RHBDF1: variants seen among roughly 807,000 people sequenced by gnomAD.
RHBDF1 encodes the protein inactive rhomboid protein 1.
RHBDF1 carries 80 observed loss-of-function variants against 98.6 expected under a neutral mutation model. The observed-to-expected ratio is 0.81, with a 90% CI of 0.68 to 0.98. The LOEUF is 0.98. RHBDF1 is among the 50% of genes least tolerant of loss of function. The pLI, the probability that RHBDF1 is intolerant of heterozygous loss-of-function variation, is 0.00. For missense variants in RHBDF1, 1,116 were observed against 1,198.3 expected, an observed-to-expected ratio of 0.93 and a Z score of 1.01; for synonymous variants, 512 against 486.8, an observed-to-expected ratio of 1.05 and a Z score of -0.68.
In RHBDF1 at chr16:58,305, G is replaced by C; in HGVS notation, c.*35C>G. The C allele has an allele frequency of 6.3e-7, 1 of 1,587,378 alleles. No homozygotes were observed. Among genetic ancestry groups the C allele is most frequent in the Non-Finnish European group, 8.6e-7 (1 of 1,165,808 alleles). ...GGGAGGTCGTGTCTGGCTCTGGCCTGCTGGAGCACACGGCCGCTGGAGCCC... is the reference window on the plus strand; with the variant it reads ...GGGAGGTCGTGTCTGGCTCTGGCCTCCTGGAGCACACGGCCGCTGGAGCCC... On this transcript the variant is annotated 3_prime_UTR_variant, in exon 18 of 18. Transcript: ENST00000262316.
At chr16:69,421 A>G (rs1897914760) in intron 1 of RHBDF1, among the ~76,000 whole-genome samples, 1 of 152,108 alleles carries the variant, frequency 6.6e-6, no homozygotes, top group Non-Finnish European at 1.5e-5. Context: ...GGTCAGCTGG[A>G]GCAAGGGGCC....
intron 1 of RHBDF1, among the ~76,000 whole-genome samples, chr16:70,698 T>G (rs1897947582): frequency 6.6e-6 from 1 of 152,150 alleles, no homozygotes; most frequent in Non-Finnish European, 1.5e-5. Context: ...TCCCAGGGCC[T>G]ATAAGGGAGC....
At position 60,293 on chromosome 16, in the gene RHBDF1, GTATGT is replaced by G; in HGVS notation, c.1659-19_1659-15del. 1 of 1,614,016 alleles carries G rather than the reference GTATGT, an allele frequency of 6.2e-7. No individual in the cohort carries two copies. Among genetic ancestry groups the G allele is most frequent in the Non-Finnish European group, 8.5e-7 (1 of 1,180,006 alleles). On this transcript the variant is annotated splice_polypyrimidine_tract_variant and intron_variant, in intron 12 of 17. Coordinates refer to ENST00000262316, the MANE Select transcript of RHBDF1 (RefSeq NM_022450.5). ...TCATCACACACCCTGCATGAGCCAA[GTATGT>G]GGTCAGACCGGCTTCGAGCCCCTAG...
intron 11 of RHBDF1, 72 bp from the exon 12 acceptor site, chr16:60,611 C>G (rs1294655600): frequency 2.4e-5 from 28 of 1,165,270 alleles, no homozygotes; most frequent in Non-Finnish European, 3.0e-5. Context: ...AGTCAGGAGT[C>G]GAAGGCAAAA....
At chr16:64,335 G>A (rs879305607) in intron 3 of RHBDF1, 1 of 1,354,890 alleles carries the variant, frequency 7.4e-7, no homozygotes, top group Non-Finnish European at 9.8e-7. Context: ...TGAGATACCT[G>A]AGCAGGGACC....
At chr16:71,878 GCA>G (rs1252314745) in intron 1 of RHBDF1, among the ~76,000 whole-genome samples, 4 of 152,250 alleles carry the variant, frequency 2.6e-5, no homozygotes, top group African/African-American at 7.2e-5. Flanking sequence ...TGGCCTCTGC[GCA>G]CAGAGTGAGA....
chr16:61,315 G>A lies in RHBDF1; in HGVS notation c.1396-34C>T, dbSNP rs778799070. ...GAGGGAGACGAGCGGCCGCAGTCCG[G>A]GGCCTCCTGCCCCCGCCGGGCACCT... On this transcript the variant is annotated intron_variant, in intron 10 of 17. Transcript: ENST00000262316. 31 of 1,542,960 alleles carry A rather than the reference G, an allele frequency of 2.0e-5. No homozygotes were observed. In the South Asian group the frequency reaches 3.5e-4, roughly 17 times the overall value.
At chr16:71,949 G>A (rs1048568840) in intron 1 of RHBDF1, among the ~76,000 whole-genome samples, 1 of 152,230 alleles carries the variant, frequency 6.6e-6, no homozygotes, top group Non-Finnish European at 1.5e-5. Context: ...ACAGATGGGG[G>A]AGTCAGTGTC....
Position 60,813 on chromosome 16 carries a change from T to G in RHBDF1, c.1558-274A>C, listed in dbSNP as rs146081643. The G allele has an allele frequency of 7.5e-5, 42 of 562,388 alleles. 1 individual carries two copies. The highest frequency in any genetic ancestry group is 9.2e-4 in the Middle Eastern group (2 of 2,168). 34.8% of individuals were successfully genotyped at this position (562,388 alleles called of 1,614,324 possible). A position where few individuals can be genotyped will look rare whatever the true frequency, so the allele number is the denominator to read the frequency against. On this transcript the variant is annotated intron_variant, in intron 11 of 17. Coordinates refer to ENST00000262316, the MANE Select transcript of RHBDF1 (RefSeq NM_022450.5). ...TCCACATAAGATGATGTGATGAAAG[T>G]TGGGATGAATTTTTTTAAAAATTGC... is the stretch of plus-strand genomic sequence containing the variant.
upstream of RHBDF1, among the ~76,000 whole-genome samples, chr16:75,171 C>A (rs1442738585): frequency 6.6e-6 from 1 of 152,210 alleles, no homozygotes; most frequent in Non-Finnish European, 1.5e-5. Flanking sequence ...CCGCGTCATG[C>A]ACCCTGGAGA....
chr16:76,195 C>G (rs574567767), upstream of RHBDF1: 1 of 152,804 alleles, frequency 6.5e-6, no homozygotes, highest in Admixed American at 6.5e-5. Context: ...CAAGCCTGTT[C>G]CAGCCCAGCA....
chr16:60,721 C>T, intron 11 of RHBDF1, 182 bp from the exon 12 acceptor site: 1 of 587,988 alleles, frequency 1.7e-6, no homozygotes, highest in South Asian at 2.1e-5. Flanking sequence ...GGCATAATTC[C>T]TGTTAGCTGA....
intron 3 of RHBDF1, 134 bp downstream of exon 3, chr16:64,565 G>T (rs911806936): frequency 3.9e-6 from 6 of 1,544,032 alleles, no homozygotes; most frequent in South Asian, 1.3e-5. Context: ...AGGGCAAGGG[G>T]ATGGTGGGGA....
intron 1 of RHBDF1, among the ~76,000 whole-genome samples, chr16:68,826 G>C (rs1239021673): frequency 6.6e-6 from 1 of 152,190 alleles, no homozygotes; most frequent in East Asian, 1.9e-4. Flanking sequence ...TTCTGCTCTG[G>C]GGATGTCTGG....
At chr16:62,312 GC>G (rs1897664129) in intron 7 of RHBDF1, 1 of 737,522 alleles carries the variant, frequency 1.4e-6, no homozygotes, top group East Asian at 2.7e-5. Context: ...ATTCTGCCCA[GC>G]CCCTGGGTTC....
Position 63,704 on chromosome 16 carries a change from C to T in RHBDF1, c.345G>A (p.Lys115=). 6.2e-7 allele frequency: 1 copy of T among 1,613,594 alleles called. No individual in the cohort carries two copies. The highest frequency in any genetic ancestry group is 8.5e-7 in the Non-Finnish European group (1 of 1,179,986). Reference sequence around the variant, plus strand: ...GCTCCCGGAGGACCTGGGGCTTCAGCTTCCCGTAGCGCTGGCTGCAGTGAC... The same window carrying T: ...GCTCCCGGAGGACCTGGGGCTTCAGTTTCCCGTAGCGCTGGCTGCAGTGAC... ...SIRHCSQRYG[K]LKPQVLRELD... The change falls in exon 4 of 18, where the codon AAG becomes AAA. Residue 115 remains lysine, a synonymous_variant. Coordinates refer to ENST00000262316, the MANE Select transcript of RHBDF1 (RefSeq NM_022450.5).
chr16:69,197 A>C (rs532691009), intron 1 of RHBDF1, among the ~76,000 whole-genome samples: 7 of 152,226 alleles, frequency 4.6e-5, no homozygotes, highest in South Asian at 2.1e-4. Flanking sequence ...GACTAGAGAG[A>C]AGCTCTGGCC....
rs141174547 is a variant in RHBDF1 at position 58,523 on chromosome 16, G to A, written c.2385C>T (p.Phe795=). ...TCTGGCAGCGTTTCCGGTACAGGTC[G>A]AACTTGCCAAAGCTGATGTAGGGCA... The part of the protein sequence containing the change: ...AFLPYISFGK[F]DLYRKRCQII... Residue 795 remains phenylalanine (F), a synonymous_variant, in exon 18 of 18, where the codon TTC becomes TTT. Coordinates refer to ENST00000262316, the MANE Select transcript of RHBDF1 (RefSeq NM_022450.5). The A allele has an allele frequency of 1.7e-5, 28 of 1,613,928 alleles. No homozygotes were observed. Among genetic ancestry groups the A allele is most frequent in the Middle Eastern group, 1.6e-4 (1 of 6,084 alleles).
At chr16:61,000 C>T (rs1177449227) in intron 11 of RHBDF1, 120 bp downstream of exon 11, 5 of 1,140,126 alleles carry the variant, frequency 4.4e-6, no homozygotes, top group East Asian at 2.6e-5. Context: ...AGGCCTTGCG[C>T]GTAAGGACGG....
Sources: allele counts gnomAD v4.1 joint callset (sites outside exome capture counted in the v4.1 genomes callset), GRCh38; gene constraint gnomAD v4.1.1; transcripts MANE v1.5; gene names NCBI Gene and HGNC (gene_info 2026-07-23, HGNC 2026-07-21).